RBFOX1: variants seen among roughly 807,000 people sequenced by gnomAD.
RBFOX1 encodes the protein RNA binding protein fox-1 homolog 1.
A neutral mutation model predicts 57.7 loss-of-function variants in RBFOX1; 8 were observed. That is an observed-to-expected ratio of 0.14 (90% CI 0.08 to 0.25). The LOEUF (loss-of-function observed/expected upper bound fraction) is 0.25. Ranked by LOEUF, RBFOX1 falls within the 10% of genes least tolerant of loss-of-function variation. The probability of loss-of-function intolerance (pLI) is 1.00; values close to 1 mark genes in which losing one functional copy is unlikely to be tolerated. For missense variants in RBFOX1, 611 were observed against 548.5 expected (o/e 1.11, Z -1.14); for synonymous variants, 326 against 222.4 (o/e 1.47, Z -4.15).
chr16:5,549,327 C>T (rs1025433304), intron 2 of RBFOX1, among the ~76,000 whole-genome samples: 13 of 152,202 alleles, frequency 8.5e-5, no homozygotes, highest in African/African-American at 2.9e-4. Context: ...TGCTTTCTCT[C>T]CTGGGTCCCC....
intron 3 of RBFOX1, among the ~76,000 whole-genome samples, chr16:6,792,598 G>A (rs959508295): frequency 6.6e-6 from 1 of 152,176 alleles, no homozygotes; most frequent in Non-Finnish European, 1.5e-5. Flanking sequence ...CTACTACGAA[G>A]TCAGGGTTGC....
intron 3 of RBFOX1, among the ~76,000 whole-genome samples, chr16:7,015,189 C>G (rs1406052829): frequency 1.3e-5 from 2 of 152,230 alleles, no homozygotes; most frequent in Non-Finnish European, 2.9e-5. Context: ...GTTGTGGTGA[C>G]AGCAGCAGAT....
intron 3 of RBFOX1, among the ~76,000 whole-genome samples, chr16:5,711,598 G>T (rs2051490525): frequency 6.6e-6 from 1 of 152,206 alleles, no homozygotes; most frequent in Non-Finnish European, 1.5e-5. Flanking sequence ...TAGGGAGCCT[G>T]GAAGATGTCC....
chr16:7,345,841 A>T (rs1443896943), intron 4 of RBFOX1, among the ~76,000 whole-genome samples: 2 of 151,634 alleles, frequency 1.3e-5, no homozygotes, highest in Non-Finnish European at 2.9e-5. Context: ...TTTTATTTTT[A>T]TTATACTTTA....
chr16:6,801,902 C>T (rs147704371), intron 3 of RBFOX1, among the ~76,000 whole-genome samples: 2 of 152,230 alleles, frequency 1.3e-5, no homozygotes, highest in East Asian at 3.9e-4. Context: ...TACCTAAGAT[C>T]TGAGTCCTGA....
rs116952181 is a variant in RBFOX1, at chr16:6,871,845, C to T, written c.-15-180212C>T. ...AAAGTGCAGTTGCTGCTTAGCCTAT[C>T]GTGTCCTAAATCCGCATCTGATGGC... On this transcript the variant is annotated intron_variant, in intron 3 of 15. Coordinates refer to ENST00000550418, the MANE Select transcript of RBFOX1 (RefSeq NM_018723.4). Among the ~76,000 whole-genome samples the T allele has an allele frequency of 9.6e-3, 1,452 of 151,796 alleles. 15 individuals are homozygous for T. The highest frequency in any genetic ancestry group is 0.016 in the Non-Finnish European group (1,104 of 67,982).
chr16:5,657,708 TTCTC>T (rs1370682993), intron 3 of RBFOX1, among the ~76,000 whole-genome samples: 9 of 146,074 alleles, frequency 6.2e-5, no homozygotes, highest in South Asian at 4.3e-4. Flanking sequence ...CCTTCTGTCT[TTCTC>T]TCTTTCTTTT....
chr16:5,806,421 C>A (rs1401626429), intron 3 of RBFOX1, among the ~76,000 whole-genome samples: 1 of 152,066 alleles, frequency 6.6e-6, no homozygotes. Context: ...TGGAGAAGAG[C>A]CAGAAAGGGA....
At chr16:6,782,659 C>T (rs1013166835) in intron 3 of RBFOX1, among the ~76,000 whole-genome samples, 2 of 152,130 alleles carry the variant, frequency 1.3e-5, no homozygotes, top group Admixed American at 6.5e-5. Flanking sequence ...ATGGTCTACC[C>T]TGGAGAATAT....
intron 3 of RBFOX1, among the ~76,000 whole-genome samples, chr16:6,928,583 A>T (rs2076016780): frequency 6.6e-6 from 1 of 152,122 alleles, no homozygotes; most frequent in Non-Finnish European, 1.5e-5. Flanking sequence ...ATTCCTTGGG[A>T]TCAGCAATGT....
chr16:5,539,034 G>T (rs1333384613), intron 2 of RBFOX1, among the ~76,000 whole-genome samples: 1 of 152,124 alleles, frequency 6.6e-6, no homozygotes, highest in Non-Finnish European at 1.5e-5. Flanking sequence ...AAAAGAGGTT[G>T]GGAGATGTAT....
intron 4 of RBFOX1, among the ~76,000 whole-genome samples, chr16:7,341,163 C>T (rs1343382061): frequency 2.6e-5 from 4 of 152,094 alleles, no homozygotes; most frequent in Admixed American, 6.5e-5. Flanking sequence ...CACACACATC[C>T]CACCAGCTTG....
At chr16:6,272,393 G>A (rs1210502564) in intron 1 of RBFOX1, among the ~76,000 whole-genome samples, 11 of 152,090 alleles carry the variant, frequency 7.2e-5, no homozygotes, top group Non-Finnish European at 1.3e-4. Flanking sequence ...ATATACTTAG[G>A]TGAAATTTTA....
chr16:7,187,572 C>A (rs1242074727), intron 4 of RBFOX1, among the ~76,000 whole-genome samples: 1 of 151,144 alleles, frequency 6.6e-6, no homozygotes, highest in African/African-American at 2.4e-5. Flanking sequence ...GCCTGTAGTC[C>A]CACCTACTCG....
chr16:7,187,425 C>T (rs561278102), intron 4 of RBFOX1, among the ~76,000 whole-genome samples: 2 of 151,864 alleles, frequency 1.3e-5, no homozygotes, highest in African/African-American at 4.8e-5. Flanking sequence ...CACGGTGGCT[C>T]ACGCCTGTAA....
chr16:6,818,024 T>C (rs186674315), intron 3 of RBFOX1, among the ~76,000 whole-genome samples: 1 of 152,116 alleles, frequency 6.6e-6, no homozygotes, highest in East Asian at 1.9e-4. Flanking sequence ...TGGCTAAACT[T>C]TTTGTGTCTG....
chr16:6,068,775 G>A (rs1430599871), intron 1 of RBFOX1, among the ~76,000 whole-genome samples: 3 of 152,160 alleles, frequency 2.0e-5, no homozygotes, highest in Admixed American at 6.6e-5. Flanking sequence ...AGCTGTATAA[G>A]CTCTGGAAAA....
At chr16:5,279,167 C>T (rs868840592) in intron 1 of RBFOX1, among the ~76,000 whole-genome samples, 3 of 152,032 alleles carry the variant, frequency 2.0e-5, no homozygotes, top group South Asian at 4.1e-4. Context: ...TAGATTGCTT[C>T]GGGTAGTATG....
intron 3 of RBFOX1, among the ~76,000 whole-genome samples, chr16:6,900,380 G>C (rs961688622): frequency 6.6e-6 from 1 of 152,104 alleles, no homozygotes; most frequent in Non-Finnish European, 1.5e-5. Flanking sequence ...CTCTATCCAT[G>C]CTCCCATCAA....
Sources: gnomAD v4.1 joint callset for allele counts (sites outside exome capture counted in the v4.1 genomes callset) on GRCh38, gnomAD v4.1.1 for gene constraint, MANE v1.5 for transcripts, NCBI Gene and HGNC (gene_info 2026-07-23, HGNC 2026-07-21) for gene names.